Variants in PALM2AKAP2 observed in about 807,000 individuals in gnomAD.
The protein encoded by PALM2AKAP2 is PALM2-AKAP2 fusion protein.
PALM2AKAP2 carries 37 observed loss-of-function variants against 71.5 expected under a neutral mutation model. That is an observed-to-expected ratio of 0.52 (90% CI 0.40 to 0.68). The LOEUF (loss-of-function observed/expected upper bound fraction) is 0.68, where lower values mean the gene tolerates loss of function less well. Ranked by LOEUF, PALM2AKAP2 falls within the 30% of genes least tolerant of loss-of-function variation. The pLI, the probability that PALM2AKAP2 is intolerant of heterozygous loss-of-function variation, is 0.00. For missense variants in PALM2AKAP2, 1,224 were observed against 1,191.8 expected (o/e 1.03, Z -0.40); for synonymous variants, 468 against 478.8 (o/e 0.98, Z 0.29).
intron 1 of PALM2AKAP2, among the ~76,000 whole-genome samples, chr9:109,706,260 A>G (rs1436795035): frequency 6.6e-6 from 1 of 152,232 alleles, no homozygotes; most frequent in Non-Finnish European, 1.5e-5. Context: ...TTCCTCAGTA[A>G]TACTCATAAT....
intron 1 of PALM2AKAP2, among the ~76,000 whole-genome samples, chr9:109,680,888 G>A (rs187166518): frequency 7.2e-5 from 11 of 152,222 alleles, no homozygotes; most frequent in Admixed American, 4.6e-4. Flanking sequence ...ATTAATGAAA[G>A]TAAATATATA....
intron 1 of PALM2AKAP2, among the ~76,000 whole-genome samples, chr9:109,717,131 A>G (rs917502949): frequency 2.4e-4 from 36 of 152,164 alleles, no homozygotes; most frequent in Non-Finnish European, 4.0e-4. Flanking sequence ...CTCTTGACCC[A>G]GTAGGGGCCT....
chr9:109,992,980 A>G (rs1162410135), intron 6 of PALM2AKAP2, among the ~76,000 whole-genome samples: 8 of 146,704 alleles, frequency 5.5e-5, no homozygotes, highest in Non-Finnish European at 1.2e-4. Flanking sequence ...GAGAGAGAGC[A>G]GAGAGAGTTT....
At chr9:109,931,700 A>G (rs974492660) in intron 5 of PALM2AKAP2, among the ~76,000 whole-genome samples, 1 of 152,216 alleles carries the variant, frequency 6.6e-6, no homozygotes, top group Non-Finnish European at 1.5e-5. Context: ...TCTAATACAT[A>G]GAGCCATCCT....
chr9:110,162,143 ATTTG>A lies in PALM2AKAP2; in HGVS notation c.2748+5652_2748+5655del, dbSNP rs758080463. 1.2e-6 allele frequency: 2 copies of A among 1,613,812 alleles called. No homozygotes were observed. The highest frequency in any genetic ancestry group is 1.7e-6 in the Non-Finnish European group (2 of 1,179,878). On this transcript the variant is annotated intron_variant, in intron 3 of 3. Coordinates refer to ENST00000374525, the Ensembl canonical transcript of PALM2AKAP2. ...AAGGTGACTTCCGAGGTACTTTTCA[ATTTG>A]TTTGTCTTGGTCTTACTGAATGCAT...
In PALM2AKAP2 at chr9:109,979,199, G is replaced by T. The variant is rs137884760; in HGVS notation, c.497-36755G>T. 5.9e-5 allele frequency among the ~76,000 whole-genome samples: 9 copies of T among 152,224 alleles called. No individual in the cohort carries two copies. In the East Asian group the frequency reaches 1.7e-3, roughly 29 times the overall value. ...GTAGAGATGGGATTTCACCATGTTG[G>T]CCAGGCTGGTCTCAAACTCCTGACT... On this transcript the variant is annotated intron_variant, in intron 6 of 9. Coordinates refer to the PALM2AKAP2 transcript ENST00000302798.
At chr9:109,908,691 A>T (rs1830502581) in intron 3 of PALM2AKAP2, among the ~76,000 whole-genome samples, 1 of 152,184 alleles carries the variant, frequency 6.6e-6, no homozygotes, top group African/African-American at 2.4e-5. Context: ...ATGCGTCTTG[A>T]AAACACTACC....
At chr9:109,800,398 G>A (rs1260371737) in intron 1 of PALM2AKAP2, among the ~76,000 whole-genome samples, 1 of 152,218 alleles carries the variant, frequency 6.6e-6, no homozygotes, top group Non-Finnish European at 1.5e-5. Context: ...AAGAGGAACT[G>A]TTAACTTGAG....
intron 1 of PALM2AKAP2, among the ~76,000 whole-genome samples, chr9:109,773,746 T>G (rs1429790849): frequency 6.6e-6 from 1 of 152,212 alleles, no homozygotes; most frequent in East Asian, 1.9e-4. Flanking sequence ...ATTGATACTT[T>G]GTCTTATGTT....
At chr9:109,762,240 A>G (rs928990412) in intron 1 of PALM2AKAP2, among the ~76,000 whole-genome samples, 7 of 152,042 alleles carry the variant, frequency 4.6e-5, no homozygotes, top group Non-Finnish European at 8.8e-5. Flanking sequence ...GTCCCTGGGA[A>G]GTTTTTGATC....
At chr9:109,925,624 T>C (rs1830940675) in intron 5 of PALM2AKAP2, among the ~76,000 whole-genome samples, 1 of 152,112 alleles carries the variant, frequency 6.6e-6, no homozygotes. Context: ...CTGTGTGGGA[T>C]AGTTGGTTCA....
At chr9:109,666,985 C>A (rs958033646) in intron 1 of PALM2AKAP2, among the ~76,000 whole-genome samples, 16 of 152,186 alleles carry the variant, frequency 1.1e-4, no homozygotes, top group African/African-American at 3.6e-4. Flanking sequence ...CCCTTCCTAA[C>A]AGAAGGAAGT....
intron 1 of PALM2AKAP2, among the ~76,000 whole-genome samples, chr9:109,767,258 C>T (rs1829168650): frequency 6.6e-6 from 1 of 152,198 alleles, no homozygotes; most frequent in South Asian, 2.1e-4. Context: ...TCCCTCCAAC[C>T]CCAGAGTGAA....
chr9:109,904,266 A>G (rs1260777551), intron 3 of PALM2AKAP2, among the ~76,000 whole-genome samples: 1 of 152,200 alleles, frequency 6.6e-6, no homozygotes, highest in Non-Finnish European at 1.5e-5. Context: ...TGCAGCATGA[A>G]AGGTGTTTAG....
intron 5 of PALM2AKAP2, among the ~76,000 whole-genome samples, chr9:109,929,863 CAAAAA>C (rs58029417): frequency 4.3e-5 from 3 of 69,414 alleles, no homozygotes; most frequent in African/African-American, 5.6e-5. Context: ...GACTCCATTT[CAAAAA>C]AAAAAAAAAA....
intron 1 of PALM2AKAP2, among the ~76,000 whole-genome samples, chr9:109,677,703 G>C (rs1357749763): frequency 6.6e-6 from 1 of 150,596 alleles, no homozygotes; most frequent in Admixed American, 6.6e-5. Context: ...GCCATACCAA[G>C]AATGGGGTTG....
chr9:110,006,354 C>CTTTCTTTCTTTCTTTCTTTT (rs1554736940), intron 6 of PALM2AKAP2, among the ~76,000 whole-genome samples: 2 of 132,156 alleles, frequency 1.5e-5, no homozygotes, highest in Non-Finnish European at 3.2e-5. Flanking sequence ...TTCTTTCTTT[C>CTTTCTTTCTTTCTTTCTTTT]TTTCTTTCTT....
chr9:110,032,079 A>C (rs1192849814), intron 7 of PALM2AKAP2, among the ~76,000 whole-genome samples: 3 of 151,622 alleles, frequency 2.0e-5, no homozygotes, highest in Non-Finnish European at 2.9e-5. Context: ...AAAAAAAAAA[A>C]AGTAGAGCTT....
exon 1 of PALM2AKAP2, chr9:110,048,697 C>G: frequency 6.5e-7 from 1 of 1,543,434 alleles, no homozygotes; most frequent in Non-Finnish European, 8.7e-7. Flanking sequence ...CCACTCCCTG[C>G]AGATGCGCTG....
Sources: gnomAD v4.1 joint callset for allele counts (sites outside exome capture counted in the v4.1 genomes callset) on GRCh38, gnomAD v4.1.1 for gene constraint, MANE v1.5 for transcripts, NCBI Gene and HGNC (gene_info 2026-07-23, HGNC 2026-07-21) for gene names.